The following DBET variants were observed in gnomAD, a reference collection of about 807,000 sequenced individuals.
DBET encodes the protein D4Z4 binding element transcript.
exon 1 of DBET, chr4:190,067,659 A>AACCCCCCCCCCC: frequency 1.7e-5 from 1 of 59,608 alleles, no homozygotes; most frequent in Non-Finnish European, 3.9e-5. Flanking sequence ...CCCCCCCCCC[A>AACCCCCCCCCCC]CCACCACCAC....
exon 1 of DBET, chr4:190,067,637 TC>T (rs1198425779): frequency 8.5e-4 from 94 of 110,544 alleles, no homozygotes; most frequent in Non-Finnish European, 1.2e-3. Context: ...CACCACGCCC[TC>T]CCCCCCCCCC....
At position 190,065,136 on chromosome 4, in the gene DBET, C is replaced by A. The variant is rs1240463752; in HGVS notation, n.635C>A. On this transcript the variant is annotated non_coding_transcript_exon_variant, in exon 1 of 1. Coordinates refer to ENST00000630918, the Ensembl canonical transcript of DBET. ...TTGGGGATCTGGGAAAATCTGTGCACACTTCTGGAGACCCTTGTCATGCCA... is the reference window on the plus strand; with the variant it reads ...TTGGGGATCTGGGAAAATCTGTGCAAACTTCTGGAGACCCTTGTCATGCCA... 1.9e-5 allele frequency: 9 copies of A among 468,996 alleles called. 1 individual carries two copies. Among genetic ancestry groups the A allele is most frequent in the Non-Finnish European group, 3.4e-5 (9 of 265,464 alleles). The allele number at this position is 468,996 out of a possible 1,614,324, so 29.1% of individuals were successfully genotyped here.
exon 1 of DBET, chr4:190,065,060 C>G (rs191206801): frequency 4.5e-6 from 2 of 439,874 alleles, no homozygotes; most frequent in Non-Finnish European, 8.0e-6. Flanking sequence ...AGGCAAAATC[C>G]TCCCAGAATC....
At chr4:190,067,637 T>TCCCCCCCCCAC in exon 1 of DBET, 3 of 110,436 alleles carry the variant, frequency 2.7e-5, no homozygotes, top group South Asian at 4.7e-5. Flanking sequence ...CACCACGCCC[T>TCCCCCCCCCAC]CCCCCCCCCC....
In DBET at chr4:190,065,881, G is replaced by A. The variant is rs371222516; in HGVS notation, n.1380G>A. On this transcript the variant is annotated non_coding_transcript_exon_variant, in exon 1 of 1. Coordinates refer to ENST00000630918, the Ensembl canonical transcript of DBET. ...CGCCTCGCTGGAAGCACCCCTCAGC[G>A]AGGAAGAATACCGGGCTCTGCTGGA... The A allele has an allele frequency of 7.5e-4, 81 of 107,896 alleles. 2 individuals carry two copies. Among genetic ancestry groups the A allele is most frequent in the Non-Finnish European group, 1.2e-3 (64 of 52,164 alleles). 6.7% of individuals were successfully genotyped at this position (107,896 alleles called of 1,614,324 possible).
chr4:190,065,082 T>A (rs1473696855), exon 1 of DBET: 1 of 458,668 alleles, frequency 2.2e-6, no homozygotes, highest in African/African-American at 2.8e-5. Flanking sequence ...TGTGAGAACA[T>A]AAATGATCTG....
In DBET at chr4:190,065,177, T is replaced by C. The variant is rs1306095712; in HGVS notation, n.676T>C. ...TGTCATGCCATTATTTATAAATCTA[T>C]TGTGCCTCAAGTCAGAAGTGTGTGA... On this transcript the variant is annotated non_coding_transcript_exon_variant, in exon 1 of 1. Transcript: ENST00000630918. The C allele has an allele frequency of 5.5e-4, 290 of 529,510 alleles. 20 individuals carry two copies. The highest frequency in any genetic ancestry group is 2.2e-3 in the South Asian group (116 of 53,676). The allele number at this position is 529,510 out of a possible 1,614,324, so 32.8% of individuals were successfully genotyped here.
At chr4:190,065,335 TG>T in exon 1 of DBET, 1 of 336,934 alleles carries the variant, frequency 3.0e-6, no homozygotes, top group East Asian at 3.8e-5. Flanking sequence ...TCTCCCAACC[TG>T]CCCCGGCGCG....
At chr4:190,067,639 C>CCCCCCCCA in exon 1 of DBET, 6 of 108,446 alleles carry the variant, frequency 5.5e-5, no homozygotes, top group South Asian at 2.4e-4. Flanking sequence ...CCACGCCCTC[C>CCCCCCCCA]CCCCCCCCCC....
exon 1 of DBET, chr4:190,065,531 G>A: frequency 3.6e-6 from 1 of 279,328 alleles, no homozygotes; most frequent in Non-Finnish European, 5.9e-6. Flanking sequence ...CAGGGCCAAG[G>A]GGTGCTTGCG....
Position 190,064,574 on chromosome 4 carries a change from A to T in DBET, n.73A>T, listed in dbSNP as rs1262753823. 1.0e-4 allele frequency: 14 copies of T among 139,404 alleles called. 1 individual carries two copies. The highest frequency in any genetic ancestry group is 4.3e-4 in the African/African-American group (14 of 32,684). The allele number at this position is 139,404 out of a possible 1,614,324, so 8.6% of individuals were successfully genotyped here. A position where few individuals can be genotyped will look rare whatever the true frequency, so the allele number is the denominator to read the frequency against. On this transcript the variant is annotated non_coding_transcript_exon_variant, in exon 1 of 1. Transcript: ENST00000630918. The stretch of plus-strand genomic sequence containing the variant: ...TCATCTTTCTTCTCAGCAGACACAA[A>T]CTGTCATCTATATGACTCCATCATG...
exon 1 of DBET, chr4:190,064,549 T>A (rs1375522606): frequency 7.2e-6 from 1 of 139,306 alleles, no homozygotes; most frequent in Non-Finnish European, 1.5e-5. Flanking sequence ...TAGCAAACAC[T>A]CATCTTTCTT....
chr4:190,064,907 C>T lies in DBET; in HGVS notation n.406C>T, dbSNP rs1412087785. On this transcript the variant is annotated non_coding_transcript_exon_variant, in exon 1 of 1. Coordinates refer to ENST00000630918, the Ensembl canonical transcript of DBET. ...GAATATACTGTGGTCATCTCTGCTC[C>T]AGTGCAAACTGTTTTCAGAAAGCCT... The T allele has an allele frequency of 2.8e-5, 6 of 216,166 alleles. 2 individuals carry two copies. Among genetic ancestry groups the T allele is most frequent in the Non-Finnish European group, 5.3e-5 (6 of 113,358 alleles). 13.4% of individuals were successfully genotyped at this position (216,166 alleles called of 1,614,324 possible). A position where few individuals can be genotyped will look rare whatever the true frequency, so the allele number is the denominator to read the frequency against.
In DBET at chr4:190,065,184, T is replaced by A. The variant is rs1352205633; in HGVS notation, n.683T>A. ...CCATTATTTATAAATCTATTGTGCC[T>A]CAAGTCAGAAGTGTGTGAGGGGAGA... On this transcript the variant is annotated non_coding_transcript_exon_variant, in exon 1 of 1. Transcript: ENST00000630918. 7.3e-6 allele frequency: 4 copies of A among 544,798 alleles called. 1 individual carries two copies. Among genetic ancestry groups the A allele is most frequent in the Non-Finnish European group, 1.3e-5 (4 of 303,562 alleles). 33.7% of individuals were successfully genotyped at this position (544,798 alleles called of 1,614,324 possible).
exon 1 of DBET, chr4:190,064,952 T>A (rs549640244): frequency 3.5e-6 from 1 of 289,850 alleles, no homozygotes; most frequent in African/African-American, 3.0e-5. Context: ...TTCCTTGCTG[T>A]AACAGAGGAA....
chr4:190,065,143 G>A (rs1740583978), exon 1 of DBET: 7 of 481,898 alleles, frequency 1.5e-5, no homozygotes, highest in South Asian at 1.4e-4. Flanking sequence ...GCACACTTCT[G>A]GAGACCCTTG....
rs1228718045 is a variant in DBET at position 190,065,147 on chromosome 4, A to G, written n.646A>G. The G allele has an allele frequency of 7.0e-5, 34 of 482,844 alleles. 7 individuals are homozygous for G. The African/African-American group carries it at 7.5e-4, about 11-fold the overall frequency. 29.9% of individuals were successfully genotyped at this position (482,844 alleles called of 1,614,324 possible). ...GGAAAATCTGTGCACACTTCTGGAGACCCTTGTCATGCCATTATTTATAAA... is the reference window on the plus strand; with the variant it reads ...GGAAAATCTGTGCACACTTCTGGAGGCCCTTGTCATGCCATTATTTATAAA... On this transcript the variant is annotated non_coding_transcript_exon_variant, in exon 1 of 1. Coordinates refer to ENST00000630918, the Ensembl canonical transcript of DBET.
rs1268258147 is a variant in DBET at position 190,065,170 on chromosome 4, A to G, written n.669A>G. 12 of 504,042 alleles carry G rather than the reference A, an allele frequency of 2.4e-5. No individual in the cohort carries two copies. In the East Asian group the frequency reaches 3.0e-4, roughly 12 times the overall value. The allele number at this position is 504,042 out of a possible 1,614,324, so 31.2% of individuals were successfully genotyped here. ...AGACCCTTGTCATGCCATTATTTAT[A>G]AATCTATTGTGCCTCAAGTCAGAAG... On this transcript the variant is annotated non_coding_transcript_exon_variant, in exon 1 of 1. Coordinates refer to ENST00000630918, the Ensembl canonical transcript of DBET.
At chr4:190,065,148 C>A (rs1553971455) in exon 1 of DBET, 1 of 488,380 alleles carries the variant, frequency 2.0e-6, no homozygotes, top group Non-Finnish European at 3.6e-6. Context: ...CTTCTGGAGA[C>A]CCTTGTCATG....
Sources: allele counts gnomAD v4.1 joint callset, GRCh38; gene constraint gnomAD v4.1.1; transcripts MANE v1.5; gene names NCBI Gene and HGNC (gene_info 2026-07-23, HGNC 2026-07-21).